The following NCKAP5 variants were observed in gnomAD, a reference collection of about 807,000 sequenced individuals.
The protein encoded by NCKAP5 is NCK associated protein 5.
NCKAP5 carries 92 observed loss-of-function variants against 167.0 expected under a neutral mutation model. The ratio of observed to expected loss-of-function variants is 0.55; its 90% CI spans 0.47 to 0.66. The LOEUF (loss-of-function observed/expected upper bound fraction) is 0.66, where lower values mean the gene tolerates loss of function less well. Among genes scored for constraint, NCKAP5 ranks in the 30% least tolerant of loss-of-function variants. NCKAP5 has a pLI of 0.00. For missense variants in NCKAP5, 2,378 were observed against 2,315.0 expected, an observed-to-expected ratio of 1.03 and a Z score of -0.56; for synonymous variants, 891 against 877.4, an observed-to-expected ratio of 1.02 and a Z score of -0.27.
Position 132,673,246 on chromosome 2 carries a change from G to A in NCKAP5, c.*43C>T, listed in dbSNP as rs1437468352. The A allele has an allele frequency of 8.0e-6, 12 of 1,494,450 alleles. No homozygotes were observed. Among genetic ancestry groups the A allele is most frequent in the Middle Eastern group, 3.5e-4 (2 of 5,770 alleles). The allele number at this position is 1,494,450 out of a possible 1,614,324, so 92.6% of individuals were successfully genotyped here. A position where few individuals can be genotyped will look rare whatever the true frequency, so the allele number is the denominator to read the frequency against. On this transcript the variant is annotated 3_prime_UTR_variant, in exon 20 of 20. Transcript: ENST00000409261. ...TGTTAAATTTATTGAATGACTCTAGGGAAATTTTCGATAATCTATTCTCGG... is the reference window on the plus strand; with the variant it reads ...TGTTAAATTTATTGAATGACTCTAGAGAAATTTTCGATAATCTATTCTCGG...
At chr2:133,266,972 C>A (rs1441028782) in intron 4 of NCKAP5, among the ~76,000 whole-genome samples, 1 of 152,112 alleles carries the variant, frequency 6.6e-6, no homozygotes, top group Admixed American at 6.5e-5. Flanking sequence ...CCGGGCCCCC[C>A]CATCAGAAGC....
chr2:132,684,150 C>G (rs1685629335), intron 19 of NCKAP5, among the ~76,000 whole-genome samples: 2 of 152,214 alleles, frequency 1.3e-5, no homozygotes, highest in East Asian at 3.8e-4. Flanking sequence ...CTCACATGCA[C>G]AGGACAATTT....
Position 132,963,824 on chromosome 2 carries a change from C to A in NCKAP5, c.475G>T (p.Asp159Tyr). 6.2e-7 allele frequency: 1 copy of A among 1,613,916 alleles called. No individual in the cohort carries two copies. The highest frequency in any genetic ancestry group is 8.5e-7 in the Non-Finnish European group (1 of 1,179,840). The change falls in exon 8 of 20, where the codon GAT (aspartate) becomes TAT (tyrosine). Residue 159 changes from aspartate to tyrosine, a missense_variant. This residue lies in a region of NCKAP5 where 1,049 missense variants were observed against 1,023.4 expected (regional missense o/e 1.02). Transcript: ENST00000409261. ...TCCTCATCAACCACCATGTGAAGAT[C>A]TTCCAAAGCTTCCTTATGTTTTCTC... Reference protein sequence around the residue: ...EERKHKEALEDLHMVVDEDSR... With the variant: ...EERKHKEALEYLHMVVDEDSR...
chr2:133,348,770 C>T (rs1684152050), intron 3 of NCKAP5, among the ~76,000 whole-genome samples: 1 of 152,088 alleles, frequency 6.6e-6, no homozygotes, highest in Non-Finnish European at 1.5e-5. Flanking sequence ...ATTCAATATC[C>T]AGTAAAGGTG....
intron 8 of NCKAP5, among the ~76,000 whole-genome samples, chr2:132,910,738 T>C (rs1694380038): frequency 6.6e-6 from 1 of 152,232 alleles, no homozygotes; most frequent in Admixed American, 6.5e-5. Flanking sequence ...TTCATTTTTT[T>C]CTTTAAATAC....
chr2:132,916,168 C>G (rs1052946887), intron 8 of NCKAP5, among the ~76,000 whole-genome samples: 3 of 151,574 alleles, frequency 2.0e-5, no homozygotes, highest in African/African-American at 7.3e-5. Flanking sequence ...TTTTTAACAG[C>G]AAGCAAAGAT....
chr2:132,692,201 G>A (rs886982332), intron 19 of NCKAP5, among the ~76,000 whole-genome samples: 10 of 151,264 alleles, frequency 6.6e-5, no homozygotes, highest in African/African-American at 2.0e-4. Context: ...GGAGTGCAGT[G>A]GCGCAATCTT....
chr2:133,638,264 C>G, the NCKAP5 span, among the ~76,000 whole-genome samples: 1 of 151,826 alleles, frequency 6.6e-6, no homozygotes, highest in South Asian at 2.1e-4. Flanking sequence ...ATTTGCAGCA[C>G]AAAGCAATAT....
At chr2:133,609,896 T>A in the NCKAP5 span, among the ~76,000 whole-genome samples, 1 of 152,160 alleles carries the variant, frequency 6.6e-6, no homozygotes, top group Non-Finnish European at 1.5e-5. Flanking sequence ...AGGCAATTAG[T>A]AGAAAAGAGG....
At chr2:133,522,514 C>T (rs930196) in intron 2 of NCKAP5, among the ~76,000 whole-genome samples, 54,364 of 151,988 alleles carry the variant, frequency 0.36, 10,465 homozygotes, top group East Asian at 0.62. Flanking sequence ...AATACTAAGC[C>T]TCTAGAGGAC....
intron 4 of NCKAP5, among the ~76,000 whole-genome samples, chr2:133,240,591 T>G (rs1410489388): frequency 6.6e-6 from 1 of 152,226 alleles, no homozygotes; most frequent in Non-Finnish European, 1.5e-5. Flanking sequence ...ACTAATTTCA[T>G]GTGGAAATGA....
At chr2:132,965,417 A>G (rs895947538) in intron 7 of NCKAP5, among the ~76,000 whole-genome samples, 1 of 152,222 alleles carries the variant, frequency 6.6e-6, no homozygotes, top group Non-Finnish European at 1.5e-5. Flanking sequence ...TAAACAAAGA[A>G]GTACCTTTAC....
intron 6 of NCKAP5, among the ~76,000 whole-genome samples, chr2:133,023,988 A>G (rs1405780061): frequency 2.0e-5 from 3 of 152,186 alleles, no homozygotes; most frequent in Non-Finnish European, 4.4e-5. Flanking sequence ...TATTCAATAT[A>G]TAGCCTTTGC....
intron 3 of NCKAP5, among the ~76,000 whole-genome samples, chr2:133,404,362 A>G (rs1688291503): frequency 6.6e-6 from 1 of 152,210 alleles, no homozygotes; most frequent in Non-Finnish European, 1.5e-5. Flanking sequence ...CCACTAGTGG[A>G]TGCCTGAAAC....
chr2:133,604,317 T>C, the NCKAP5 span, among the ~76,000 whole-genome samples: 5 of 152,168 alleles, frequency 3.3e-5, no homozygotes, highest in Admixed American at 6.5e-5. Context: ...GGGATTCTCC[T>C]GCCTCAGCCC....
rs945106778 is a variant in NCKAP5, at chr2:133,237,165, T to A, written c.144-23386A>T. 3.3e-5 allele frequency among the ~76,000 whole-genome samples: 5 copies of A among 152,168 alleles called. No homozygotes were observed. The East Asian group carries it at 9.6e-4, about 29-fold the overall frequency. On this transcript the variant is annotated intron_variant, in intron 4 of 19. Transcript: ENST00000409261. The stretch of plus-strand genomic sequence containing the variant: ...ACTTTATGAAACATCAGTGCATTGC[T>A]TATTTTAAAAAAAAGCTGTACTTTG...
chr2:132,860,906 C>T (rs917187452), intron 10 of NCKAP5, among the ~76,000 whole-genome samples: 6 of 152,148 alleles, frequency 3.9e-5, no homozygotes, highest in East Asian at 1.9e-4. Context: ...TTTAAGTTTC[C>T]GCCTATATAT....
chr2:133,207,212 T>A (rs1205125920), intron 5 of NCKAP5, among the ~76,000 whole-genome samples: 1 of 152,140 alleles, frequency 6.6e-6, no homozygotes, highest in Non-Finnish European at 1.5e-5. Context: ...CCTACCAATA[T>A]GTGGTGTCAC....
upstream of NCKAP5, among the ~76,000 whole-genome samples, chr2:133,569,337 C>T (rs190804183): frequency 1.6e-4 from 25 of 152,258 alleles, no homozygotes; most frequent in East Asian, 1.5e-3. Flanking sequence ...GTCTCTGCCA[C>T]GAAGCGCGAA....
Sources: gnomAD v4.1 joint callset for allele counts (sites outside exome capture counted in the v4.1 genomes callset) on GRCh38, gnomAD v4.1.1 for gene constraint, gnomAD v4.1.1 regional missense constraint, MANE v1.5 for transcripts, NCBI Gene and HGNC (gene_info 2026-07-23, HGNC 2026-07-21) for gene names.